The following LMNTD1 variants were observed in gnomAD, a reference collection of about 807,000 sequenced individuals.
LMNTD1 encodes lamin tail domain containing 1, also known as lamin tail domain-containing protein 1.
In LMNTD1, 35 loss-of-function variants were observed where a neutral mutation model predicts 50.9. The ratio of observed to expected loss-of-function variants is 0.69; its 90% CI spans 0.53 to 0.91. The LOEUF is 0.91. Among genes scored for constraint, LMNTD1 ranks in the 40% least tolerant of loss-of-function variants. The pLI, the probability that LMNTD1 is intolerant of heterozygous loss-of-function variation, is 0.00. For missense variants in LMNTD1, 470 were observed against 475.5 expected (o/e 0.99, Z 0.11); for synonymous variants, 153 against 161.9 (o/e 0.94, Z 0.42).
chr12:25,513,312 G>A (rs1386901055), intron 8 of LMNTD1, among the ~76,000 whole-genome samples: 1 of 152,170 alleles, frequency 6.6e-6, no homozygotes, highest in Non-Finnish European at 1.5e-5. Context: ...TGGAAAGAAA[G>A]GATGTCATTT....
At chr12:25,508,482 T>A (rs1033489884) in intron 8 of LMNTD1, among the ~76,000 whole-genome samples, 1 of 152,194 alleles carries the variant, frequency 6.6e-6, no homozygotes, top group Non-Finnish European at 1.5e-5. Context: ...TCATTGCCTA[T>A]GGGATTGTAT....
At chr12:25,527,012 C>T in intron 4 of LMNTD1, 57 bp from the exon 5 acceptor site, 1 of 1,262,744 alleles carries the variant, frequency 7.9e-7, no homozygotes, top group Non-Finnish European at 1.1e-6. Flanking sequence ...GTCTTTGACT[C>T]ACTTTAAGAA....
intron 9 of LMNTD1, among the ~76,000 whole-genome samples, chr12:25,497,053 C>A (rs940943944): frequency 6.6e-6 from 1 of 152,010 alleles, no homozygotes; most frequent in Non-Finnish European, 1.5e-5. Flanking sequence ...TTTTTAATAA[C>A]TGAATAACAT....
intron 1 of LMNTD1, among the ~76,000 whole-genome samples, chr12:25,633,182 A>G (rs574011327): frequency 1.3e-5 from 2 of 152,304 alleles, no homozygotes; most frequent in East Asian, 3.9e-4. Context: ...TAAAACAATT[A>G]ATAATAGACC....
At position 25,601,593 on chromosome 12, in the gene LMNTD1, CCTA is replaced by C. The variant is rs899721117; in HGVS notation, c.58+46898_58+46900del. 4.6e-5 allele frequency among the ~76,000 whole-genome samples: 7 copies of C among 151,918 alleles called. No homozygotes were observed. The East Asian group carries it at 1.4e-3, about 29-fold the overall frequency. ...TGTACCCCACAAATATATGTACCTA[CCTA>C]CTATGTACCCACAAAAATTAAAATA... On this transcript the variant is annotated intron_variant, in intron 1 of 7. Transcript: ENST00000445693.
At chr12:25,591,071 C>T (rs1267334657) in intron 1 of LMNTD1, among the ~76,000 whole-genome samples, 1 of 152,146 alleles carries the variant, frequency 6.6e-6, no homozygotes, top group Non-Finnish European at 1.5e-5. Context: ...TGTCTTGTAC[C>T]TTAGGTACTA....
intron 9 of LMNTD1, among the ~76,000 whole-genome samples, chr12:25,485,185 A>G (rs1418054377): frequency 3.5e-5 from 5 of 143,908 alleles, no homozygotes; most frequent in Non-Finnish European, 6.1e-5. Flanking sequence ...TGACTTTTTA[A>G]TGATTGCCAT....
At chr12:25,482,910 G>T (rs897589230) in intron 9 of LMNTD1, among the ~76,000 whole-genome samples, 1 of 151,938 alleles carries the variant, frequency 6.6e-6, no homozygotes, top group Admixed American at 6.5e-5. Context: ...GCACTTTGGA[G>T]CGTGTGTTCA....
At chr12:25,528,864 A>G (rs1412632410) in intron 4 of LMNTD1, among the ~76,000 whole-genome samples, 3 of 152,172 alleles carry the variant, frequency 2.0e-5, no homozygotes, top group Non-Finnish European at 4.4e-5. Flanking sequence ...CCAAATAGGT[A>G]CATATCCTTG....
upstream of LMNTD1, chr12:25,648,568 T>C (rs554716587): frequency 3.9e-6 from 6 of 1,550,030 alleles, no homozygotes; most frequent in East Asian, 4.9e-5. Flanking sequence ...TCCTTAAGCT[T>C]CTTCTGTTAT....
chr12:25,606,242 A>AC (rs1946099017), intron 1 of LMNTD1, among the ~76,000 whole-genome samples: 1 of 152,164 alleles, frequency 6.6e-6, no homozygotes, highest in Non-Finnish European at 1.5e-5. Context: ...GGCTGAGACG[A>AC]TGGGGTTTTC....
At chr12:25,644,729 G>GT (rs1947028682) in intron 1 of LMNTD1, among the ~76,000 whole-genome samples, 1 of 152,086 alleles carries the variant, frequency 6.6e-6, no homozygotes, top group Admixed American at 6.5e-5. Context: ...AATAGAAGGA[G>GT]TTTAACTATA....
intron 1 of LMNTD1, among the ~76,000 whole-genome samples, chr12:25,581,727 T>A (rs1945297524): frequency 6.6e-6 from 1 of 152,178 alleles, no homozygotes; most frequent in African/African-American, 2.4e-5. Context: ...TCACAAAGTG[T>A]ACTTATGCAA....
At chr12:25,484,380 T>G (rs1474041220) in intron 9 of LMNTD1, among the ~76,000 whole-genome samples, 1 of 151,978 alleles carries the variant, frequency 6.6e-6, no homozygotes, top group Non-Finnish European at 1.5e-5. Flanking sequence ...ATAACAGGTG[T>G]GAGCCACTGC....
chr12:25,499,262 C>A (rs910849189), intron 9 of LMNTD1, among the ~76,000 whole-genome samples: 1 of 151,586 alleles, frequency 6.6e-6, no homozygotes, highest in African/African-American at 2.4e-5. Flanking sequence ...TTTGTAGTGA[C>A]AGAGTTTCAC....
intron 1 of LMNTD1, among the ~76,000 whole-genome samples, chr12:25,617,647 A>C (rs962013607): frequency 1.3e-5 from 2 of 152,238 alleles, no homozygotes; most frequent in African/African-American, 4.8e-5. Context: ...GAATTGATAG[A>C]TATTTCCTTA....
At chr12:25,481,864 TTCACAC>T (rs1565933248) in intron 9 of LMNTD1, among the ~76,000 whole-genome samples, 2 of 82,444 alleles carry the variant, frequency 2.4e-5, no homozygotes, top group Non-Finnish European at 5.2e-5. Context: ...ATATTGCCTC[TTCACAC>T]ACACACACAC....
chr12:25,624,339 C>A (rs969334036), intron 1 of LMNTD1, among the ~76,000 whole-genome samples: 4 of 152,152 alleles, frequency 2.6e-5, no homozygotes, highest in African/African-American at 9.7e-5. Flanking sequence ...TCATTGGTTT[C>A]CCTTATTTTC....
intron 6 of LMNTD1, among the ~76,000 whole-genome samples, chr12:25,520,467 G>A: frequency 6.6e-6 from 1 of 151,936 alleles, no homozygotes; most frequent in East Asian, 1.9e-4. Context: ...ATATAAGTGA[G>A]ATCATGCAAC....
Sources: allele counts gnomAD v4.1 joint callset (sites outside exome capture counted in the v4.1 genomes callset), GRCh38; gene constraint gnomAD v4.1.1; transcripts MANE v1.5; gene names NCBI Gene and HGNC (gene_info 2026-07-23, HGNC 2026-07-21).